Variants in RAB6A observed in about 807,000 individuals in gnomAD.
RAB6A encodes ras-related protein Rab-6A.
RAB6A carries 8 observed loss-of-function variants against 32.3 expected under a neutral mutation model. The observed-to-expected ratio is 0.25, with a 90% CI of 0.15 to 0.45. RAB6A has a LOEUF of 0.45. Ranked by LOEUF, RAB6A falls within the 20% of genes least tolerant of loss-of-function variation. The pLI is 1.00. For synonymous variants in RAB6A, 73 were observed against 82.1 expected (o/e 0.89, Z 0.60); for missense variants, 104 against 249.4 (o/e 0.42, Z 3.93).
intron 4 of RAB6A, among the ~76,000 whole-genome samples, chr11:73,716,689 C>G (rs977811840): frequency 6.6e-6 from 1 of 152,098 alleles, no homozygotes; most frequent in Non-Finnish European, 1.5e-5. Context: ...AATATGGTGT[C>G]ACATTGCCAC....
At chr11:73,714,230 A>ATG (rs71890214) in intron 5 of RAB6A, among the ~76,000 whole-genome samples, 125 of 46,428 alleles carry the variant, frequency 2.7e-3, no homozygotes, top group Non-Finnish European at 7.3e-3. Context: ...ATATATATAT[A>ATG]CACACATATA....
intron 1 of RAB6A, among the ~76,000 whole-genome samples, chr11:73,759,538 G>A (rs1207603974): frequency 6.6e-6 from 1 of 152,160 alleles, no homozygotes; most frequent in East Asian, 1.9e-4. Context: ...TAGATGATGA[G>A]TCTGTTCCTA....
chr11:73,699,409 CAG>C (rs558192753), intron 6 of RAB6A, among the ~76,000 whole-genome samples: 380 of 152,232 alleles, frequency 2.5e-3, no homozygotes, highest in African/African-American at 8.5e-3. Context: ...GCTGGGACTA[CAG>C]ACACTCAACC....
At chr11:73,748,671 A>T (rs1946629829) in intron 1 of RAB6A, among the ~76,000 whole-genome samples, 1 of 152,174 alleles carries the variant, frequency 6.6e-6, no homozygotes, top group South Asian at 2.1e-4. Context: ...TATACATTTA[A>T]ATTTTTCCAT....
rs997295451 is a variant in RAB6A, at chr11:73,695,197, G to C, written c.495+12223C>G. 2.6e-5 allele frequency among the ~76,000 whole-genome samples: 4 copies of C among 151,746 alleles called. No homozygotes were observed. The East Asian group carries it at 7.7e-4, about 29-fold the overall frequency. ...AAGTGGGCCAAAAAAACTTTACAAA[G>C]GTTTTCAAATTCAAACTTACTTCTT... is the stretch of plus-strand genomic sequence containing the variant. On this transcript the variant is annotated intron_variant, in intron 6 of 7. Transcript: ENST00000336083.
At chr11:73,685,673 G>A (rs1392492740) in intron 6 of RAB6A, among the ~76,000 whole-genome samples, 1 of 147,150 alleles carries the variant, frequency 6.8e-6, no homozygotes, top group Admixed American at 6.8e-5. Flanking sequence ...GAGGTCAGGA[G>A]TTTGAGACCA....
chr11:73,755,858 A>G (rs1409950949), intron 1 of RAB6A, among the ~76,000 whole-genome samples: 1 of 109,252 alleles, frequency 9.2e-6, no homozygotes, highest in South Asian at 2.9e-4. Flanking sequence ...GAAGAGGAGG[A>G]GGAGGAAGAA....
At chr11:73,750,513 G>A (rs11235886) in intron 1 of RAB6A, among the ~76,000 whole-genome samples, 15,197 of 151,928 alleles carry the variant, frequency 0.1, 861 homozygotes, top group South Asian at 0.27. Context: ...GTGCCACCGC[G>A]CCCAGCAAAT....
chr11:73,731,731 T>TATATATATAC (rs1346850332), intron 1 of RAB6A, among the ~76,000 whole-genome samples: 6 of 16,984 alleles, frequency 3.5e-4, no homozygotes, highest in African/African-American at 1.0e-3. Context: ...TATATATATA[T>TATATATATAC]ACACACACAC....
intron 2 of RAB6A, among the ~76,000 whole-genome samples, chr11:73,728,268 A>C (rs1233198737): frequency 2.0e-5 from 3 of 152,142 alleles, no homozygotes; most frequent in Non-Finnish European, 2.9e-5. Flanking sequence ...TTTCACATTA[A>C]GTATATAAGA....
chr11:73,722,331 ATATATATATATATTTTTTTTTTTTT>A (rs1284544800), intron 2 of RAB6A: 1 of 46,680 alleles, frequency 2.1e-5, no homozygotes, highest in Admixed American at 2.4e-4. Context: ...ATATATATAT[ATATATATATATATTTTTTTTTTTTT>A]TTTTTTTTTT....
chr11:73,695,321 G>C (rs970248785), intron 6 of RAB6A, among the ~76,000 whole-genome samples: 6 of 151,120 alleles, frequency 4.0e-5, no homozygotes, highest in Non-Finnish European at 8.8e-5. Context: ...TATGAGACTA[G>C]TACAGTTTGT....
In RAB6A at chr11:73,675,976, T is replaced by C. The variant is rs1341665885; in HGVS notation, c.*1922A>G. ...CAACCCTTGCCTTTAACAATTATATTGTATTATAAAAGCACTTTACAACTC... is the reference window on the plus strand; with the variant it reads ...CAACCCTTGCCTTTAACAATTATATCGTATTATAAAAGCACTTTACAACTC... On this transcript the variant is annotated 3_prime_UTR_variant, in exon 8 of 8. Coordinates refer to ENST00000336083, the MANE Select transcript of RAB6A (RefSeq NM_198896.2). 6.0e-6 allele frequency: 1 copy of C among 166,598 alleles called. No homozygotes were observed. Among genetic ancestry groups the C allele is most frequent in the African/African-American group, 2.4e-5 (1 of 41,378 alleles). The allele number at this position is 166,598 out of a possible 1,614,324, so 10.3% of individuals were successfully genotyped here. A position where few individuals can be genotyped will look rare whatever the true frequency, so the allele number is the denominator to read the frequency against.
chr11:73,705,421 A>G (rs1444869875), intron 6 of RAB6A, among the ~76,000 whole-genome samples: 1 of 152,066 alleles, frequency 6.6e-6, no homozygotes, highest in East Asian at 1.9e-4. Context: ...GGTGCTGCAC[A>G]CCTGTAATCC....
At chr11:73,724,153 C>T (rs1368036787) in intron 2 of RAB6A, among the ~76,000 whole-genome samples, 1 of 152,096 alleles carries the variant, frequency 6.6e-6, no homozygotes, top group Non-Finnish European at 1.5e-5. Flanking sequence ...CACTCAAGAA[C>T]AGCTATGTAA....
rs1193823076 is a variant in RAB6A at position 73,746,124 on chromosome 11, G to GT, written c.70+14441dup. On this transcript the variant is annotated intron_variant, in intron 1 of 7. Coordinates refer to ENST00000336083, the MANE Select transcript of RAB6A (RefSeq NM_198896.2). Reference sequence around the variant, plus strand: ...TGAGAGGATCACTTGAGCCCAGGGAGTTCAAGAGCAGCCTGGCCAACAGAG... The same window carrying GT: ...TGAGAGGATCACTTGAGCCCAGGGAGTTTCAAGAGCAGCCTGGCCAACAGAG... Among the ~76,000 whole-genome samples, 3 of 151,042 alleles carry GT rather than the reference G, an allele frequency of 2.0e-5. No homozygotes were observed. In the East Asian group the frequency reaches 5.9e-4, roughly 30 times the overall value.
chr11:73,707,983 A>C (rs1945876443), intron 5 of RAB6A, among the ~76,000 whole-genome samples: 3 of 152,208 alleles, frequency 2.0e-5, no homozygotes, highest in African/African-American at 7.2e-5. Context: ...TAAAATTCAA[A>C]TCTTTGTGTA....
chr11:73,757,158 T>TTTTTTTC (rs762917342), intron 1 of RAB6A, among the ~76,000 whole-genome samples: 1 of 98,656 alleles, frequency 1.0e-5, no homozygotes, highest in Non-Finnish European at 2.0e-5. Context: ...TTTTTTTTTT[T>TTTTTTTC]CTTGAGACAG....
intron 1 of RAB6A, among the ~76,000 whole-genome samples, chr11:73,735,198 G>C (rs921188697): frequency 6.6e-6 from 1 of 152,166 alleles, no homozygotes; most frequent in African/African-American, 2.4e-5. Context: ...ACACAACAAT[G>C]ATCTCAGTAG....
Sources: gnomAD v4.1 joint callset for allele counts (sites outside exome capture counted in the v4.1 genomes callset) on GRCh38, gnomAD v4.1.1 for gene constraint, MANE v1.5 for transcripts, NCBI Gene and HGNC (gene_info 2026-07-23, HGNC 2026-07-21) for gene names.